Variants in NEB observed in about 807,000 individuals in gnomAD.
NEB encodes nebulin.
A neutral mutation model predicts 952.2 loss-of-function variants in NEB; 512 were observed. The ratio of observed to expected loss-of-function variants is 0.54; its 90% confidence interval spans 0.50 to 0.58. NEB has a LOEUF of 0.58. Among genes scored for constraint, NEB ranks in the 20% least tolerant of loss-of-function variants. NEB has a pLI of 0.00. For synonymous variants in NEB, 2,900 were observed against 3,149.8 expected, an observed-to-expected ratio of 0.92 and a Z score of 2.66; for missense variants, 8,428 against 9,231.1, an observed-to-expected ratio of 0.91 and a Z score of 3.56.
chr2:151,560,991 A>C lies in NEB; in HGVS notation c.19206+13T>G. 6.4e-7 allele frequency: 1 copy of C among 1,555,240 alleles called. No individual in the cohort carries two copies. The highest frequency in any genetic ancestry group is 1.1e-5 in the South Asian group (1 of 87,336). On this transcript the variant is annotated intron_variant, in intron 123 of 181. Coordinates refer to ENST00000397345, the MANE Select transcript of NEB (RefSeq NM_001164508.2). ...GTGGCTCATATATAAGGGGGAAAAA[A>C]AACTCAACTCACACTGCTGTAAAGA...
intron 20 of NEB, among the ~76,000 whole-genome samples, chr2:151,692,859 A>G (rs1176641937): frequency 6.6e-6 from 1 of 152,160 alleles, no homozygotes; most frequent in East Asian, 1.9e-4. Flanking sequence ...AATCCCAGCT[A>G]CTTGGGAGGC....
At position 151,513,593 on chromosome 2, in the gene NEB, T is replaced by A; in HGVS notation, c.23228A>T (p.Asp7743Val). The A allele has an allele frequency of 6.2e-7, 1 of 1,606,486 alleles. No individual in the cohort carries two copies. Among genetic ancestry groups the A allele is most frequent in the East Asian group, 2.2e-5 (1 of 44,770 alleles). ...AGTAGCACTGACCTGACTGGCAATATCAGTAGCATTCCTGGCCCTCATAAA... is the reference window on the plus strand; with the variant it reads ...AGTAGCACTGACCTGACTGGCAATAACAGTAGCATTCCTGGCCCTCATAAA... ...PDFMRARNAT[D>V]IASQIKYKQS... Residue 7743 changes from aspartate (D) to valine (V), a missense_variant, in exon 160 of 182, where the codon GAT becomes GTT. This residue lies in a region of NEB where 3,374 missense variants were observed against 3,651.5 expected (regional missense o/e 0.92). Coordinates refer to ENST00000397345, the MANE Select transcript of NEB (RefSeq NM_001164508.2).
At chr2:151,682,419 T>C (rs1010537128) in intron 29 of NEB, among the ~76,000 whole-genome samples, 38 of 152,228 alleles carry the variant, frequency 2.5e-4, no homozygotes, top group Admixed American at 2.2e-3. Context: ...TTAACGTAAA[T>C]GGTTAACAAG....
rs2096146876 is a variant in NEB at position 151,562,709 on chromosome 2, T to G, written c.18793A>C (p.Ser6265Arg). 6.2e-6 allele frequency: 10 copies of G among 1,607,198 alleles called. No individual in the cohort carries two copies. The highest frequency in any genetic ancestry group is 8.5e-6 in the Non-Finnish European group (10 of 1,176,260). Residue 6265 changes from serine (S) to arginine (R), a missense_variant, in exon 120 of 182, where the codon AGT becomes CGT. Ser to Arg is a moderately radical substitution (Grantham distance 110). This residue lies in a region of NEB where 3,374 missense variants were observed against 3,651.5 expected (regional missense o/e 0.92). Coordinates refer to ENST00000397345, the MANE Select transcript of NEB (RefSeq NM_001164508.2). The part of the protein sequence containing the change: ...VLAKRCQYIL[S>R]DLEYRHYFHQ... ...AAATAGTGTCGATACTCCAGGTCAC[T>G]GAGGATGTACTGGCACCTTTTAGCC...
intron 173 of NEB, 99 bp from the exon 174 acceptor site, chr2:151,494,352 C>A: frequency 1.2e-6 from 1 of 811,180 alleles, no homozygotes; most frequent in South Asian, 1.6e-5. Flanking sequence ...TCTTTAGGGC[C>A]CCAAACCATT....
intron 24 of NEB, 161 bp downstream of exon 24, chr2:151,690,566 T>C (rs2099540604): frequency 1.9e-5 from 12 of 623,800 alleles, no homozygotes; most frequent in Middle Eastern, 3.1e-4. Flanking sequence ...CAGGCTGCAA[T>C]TCAATCTAGC....
chr2:151,497,499 A>C, intron 171 of NEB, 127 bp downstream of exon 171: 5 of 1,487,838 alleles, frequency 3.4e-6, no homozygotes, highest in Non-Finnish European at 4.4e-6. Flanking sequence ...AAAAAGGATA[A>C]ATTTGCTAAA....
rs753301409 is a variant in NEB, at chr2:151,664,908, T to G, written c.5239-45A>C. Reference sequence around the variant, plus strand: ...TGCATGATTTTACAGCAGGACAAGTTTGACCCAATGCTAGCAAGAGGAAGA... The same window carrying G: ...TGCATGATTTTACAGCAGGACAAGTGTGACCCAATGCTAGCAAGAGGAAGA... On this transcript the variant is annotated intron_variant, in intron 42 of 181. Transcript: ENST00000397345. 5 of 1,392,406 alleles carry G rather than the reference T, an allele frequency of 3.6e-6. No individual in the cohort carries two copies. In the African/African-American group the frequency reaches 7.1e-5, roughly 20 times the overall value. 86.3% of individuals were successfully genotyped at this position (1,392,406 alleles called of 1,614,324 possible). A position where few individuals can be genotyped will look rare whatever the true frequency, so the allele number is the denominator to read the frequency against.
chr2:151,534,457 C>T, intron 142 of NEB: 1 of 700,476 alleles, frequency 1.4e-6, no homozygotes, highest in Non-Finnish European at 2.5e-6. Context: ...ACAATAAAAA[C>T]AGGGAAGCAA....
intron 161 of NEB, among the ~76,000 whole-genome samples, chr2:151,510,516 C>A (rs1280030821): frequency 6.6e-6 from 1 of 152,212 alleles, no homozygotes; most frequent in African/African-American, 2.4e-5. Context: ...GTTTCACTTT[C>A]CACGGTTTCA....
In NEB at chr2:151,633,760, G is replaced by A. The variant is rs2098710765; in HGVS notation, c.9308C>T (p.Thr3103Ile). The change falls in exon 65 of 182, where the codon ACC (threonine) becomes ATC (isoleucine). Residue 3103 changes from threonine (T) to isoleucine (I), a missense_variant. By Grantham distance (89) the Thr-to-Ile change is moderately conservative (BLOSUM62 -1). Around this residue, in one of 11 missense-constraint regions of NEB, gnomAD observed 1,772 missense variants for 1,960.3 expected, o/e 0.90. Transcript: ENST00000397345. ...LGVVLAKKCQ[T>I]LVSDVDYKNY... ...CTTATAGTCCACGTCACTGACTAAGGTCTGGCACTTCTTGGCCAGCACCAC... is the reference window on the plus strand; with the variant it reads ...CTTATAGTCCACGTCACTGACTAAGATCTGGCACTTCTTGGCCAGCACCAC... 3.7e-6 allele frequency: 6 copies of A among 1,613,946 alleles called. No individual in the cohort carries two copies. In the East Asian group the frequency reaches 1.1e-4, roughly 30 times the overall value.
In NEB at chr2:151,619,502, G is replaced by C. The variant is rs375814899; in HGVS notation, c.10821C>G (p.Pro3607=). ...GTGCATGAATGATGTCATTCTGGTC[G>C]GGCAGGCAGATCCATTCATGCAGAG... ...KHPLHEWICL[P]DQNDIIHARK... is the part of the protein sequence containing the mutation. The change falls in exon 73 of 182, where the codon CCC becomes CCG. Residue 3607 remains proline, a synonymous_variant. Transcript: ENST00000397345. 6.2e-7 allele frequency: 1 copy of C among 1,613,054 alleles called. No individual in the cohort carries two copies. Among genetic ancestry groups the C allele is most frequent in the Non-Finnish European group, 8.5e-7 (1 of 1,179,236 alleles).
intron 172 of NEB, 145 bp from the exon 173 acceptor site, chr2:151,496,513 C>T (rs532278571): frequency 1.4e-6 from 2 of 1,442,182 alleles, no homozygotes; most frequent in South Asian, 2.8e-5. Flanking sequence ...ATGCCACCAG[C>T]TACTTTAGTG....
Position 151,687,471 on chromosome 2 carries a change from T to A in NEB, c.2585A>T (p.Asn862Ile). 1 of 1,614,054 alleles carries A rather than the reference T, an allele frequency of 6.2e-7. No individual in the cohort carries two copies. Among genetic ancestry groups the A allele is most frequent in the Admixed American group, 1.7e-5 (1 of 60,024 alleles). The change falls in exon 27 of 182, where the codon AAT becomes ATT. Residue 862 changes from asparagine to isoleucine, a missense_variant. Around this residue, in one of 11 missense-constraint regions of NEB, gnomAD observed 2,851 missense variants for 2,791.5 expected, o/e 1.02. Coordinates refer to ENST00000397345, the MANE Select transcript of NEB (RefSeq NM_001164508.2). ...GGAGTGCAGCATCTTTGGATCGTCA[T>A]TAATGCTGAGGGCTCCAATCATTTT... is the stretch of plus-strand genomic sequence containing the variant. The part of the protein sequence containing the change: ...KGKMIGALSI[N>I]DDPKMLHSLK...
Position 151,503,350 on chromosome 2 carries a change from G to A in NEB, c.23834C>T (p.Ser7945Leu), listed in dbSNP as rs755970391. The A allele has an allele frequency of 1.2e-5, 19 of 1,601,250 alleles. No homozygotes were observed. The highest frequency in any genetic ancestry group is 1.2e-4 in the Admixed American group (7 of 59,832). ...CTTATATGATATATTTGTAAATACC[G>A]AGCTAAAGTTCTCTTGATTGCGTTT... ...RVKRNQENFS[S>L]VLYKENLGKG... is the part of the protein sequence containing the mutation. Residue 7945 changes from serine (S) to leucine (L), a missense_variant and splice_region_variant, in exon 166 of 182, where the codon TCG becomes TTG. This residue lies in a region of NEB where 3,374 missense variants were observed against 3,651.5 expected (regional missense o/e 0.92). Transcript: ENST00000397345.
Position 151,548,293 on chromosome 2 carries a change from T to C in NEB, c.20157+15A>G. Reference sequence around the variant, plus strand: ...GAAACTCAATATGTCTCTTGGAGAATCAGCATTCAGGTACCTCGCTGGTAA... The same window carrying C: ...GAAACTCAATATGTCTCTTGGAGAACCAGCATTCAGGTACCTCGCTGGTAA... On this transcript the variant is annotated intron_variant, in intron 131 of 181. Coordinates refer to ENST00000397345, the MANE Select transcript of NEB (RefSeq NM_001164508.2). 6.3e-7 allele frequency: 1 copy of C among 1,580,718 alleles called. No homozygotes were observed. Among genetic ancestry groups the C allele is most frequent in the Non-Finnish European group, 8.7e-7 (1 of 1,149,912 alleles).
chr2:151,503,004 G>A, intron 166 of NEB, 119 bp from the exon 167 acceptor site: 1 of 641,038 alleles, frequency 1.6e-6, no homozygotes, highest in South Asian at 1.9e-5. Flanking sequence ...GTAATATTTA[G>A]TAAGGATAAT....
chr2:151,550,853 T>C (rs4372897), intron 129 of NEB, among the ~76,000 whole-genome samples: 84,511 of 151,390 alleles, frequency 0.56, 24,267 homozygotes, highest in Admixed American at 0.68. Context: ...ACCATGTTGC[T>C]CAGGCTGGTC....
At chr2:151,704,853 C>T (rs577335449) in intron 13 of NEB, among the ~76,000 whole-genome samples, 10 of 152,238 alleles carry the variant, frequency 6.6e-5, no homozygotes, top group East Asian at 1.9e-4. Context: ...AGCTGTAGAC[C>T]GGAGCTGTTC....
Sources: allele counts gnomAD v4.1 joint callset (sites outside exome capture counted in the v4.1 genomes callset), GRCh38; gene constraint gnomAD v4.1.1; regional missense constraint gnomAD v4.1.1; transcripts MANE v1.5; gene names NCBI Gene and HGNC (gene_info 2026-07-23, HGNC 2026-07-21).